Variants in VIRMA observed in about 807,000 individuals in gnomAD.
The protein encoded by VIRMA is vir like m6A methyltransferase associated.
Under a neutral mutation model 182.4 loss-of-function variants are expected in VIRMA, and 65 were observed. The observed-to-expected ratio is 0.36, with a 90% CI of 0.29 to 0.44. VIRMA has a LOEUF of 0.44. VIRMA is among the 20% of genes least tolerant of loss of function. VIRMA has a pLI of 1.00. For synonymous variants in VIRMA, 709 were observed against 743.1 expected (o/e 0.95, Z 0.75); for missense variants, 1,752 against 2,158.1 (o/e 0.81, Z 3.73).
rs189410338 is a variant in VIRMA at position 94,499,462 on chromosome 8, C to T, written c.4142G>A (p.Arg1381Gln). 5.6e-6 allele frequency: 9 copies of T among 1,608,650 alleles called. No homozygotes were observed. Among genetic ancestry groups the T allele is most frequent in the African/African-American group, 1.3e-5 (1 of 74,888 alleles). Residue 1381 changes from arginine to glutamine, a missense_variant, in exon 17 of 24, where the codon CGA becomes CAA. Around this residue, in one of 11 missense-constraint regions of VIRMA, gnomAD observed 777 missense variants for 920.6 expected, o/e 0.84. Transcript: ENST00000297591. ...NSSALHSLLKRVVSTFSKDTG... is the reference protein window; with the variant it reads ...NSSALHSLLKQVVSTFSKDTG... ...GTCCTTACTAAATGTGCTGACCACT[C>T]GTTTCAGTAAACTATGCAGAGCACT...
At position 94,512,069 on chromosome 8, in the gene VIRMA, G is replaced by A; in HGVS notation, c.2772C>T (p.Thr924=). 1 of 1,496,778 alleles carries A rather than the reference G, an allele frequency of 6.7e-7. No individual in the cohort carries two copies. The highest frequency in any genetic ancestry group is 8.9e-7 in the Non-Finnish European group (1 of 1,121,660). 92.7% of individuals were successfully genotyped at this position (1,496,778 alleles called of 1,614,324 possible). A position where few individuals can be genotyped will look rare whatever the true frequency, so the allele number is the denominator to read the frequency against. ...YVKQNIDNLM[T]PEGVGLTTAL... ...CAGTGGTAAGGCCAACTCCTTCTGGGGTCATCAAGTTATCGATATTCTTTA... is the reference window on the plus strand; with the variant it reads ...CAGTGGTAAGGCCAACTCCTTCTGGAGTCATCAAGTTATCGATATTCTTTA... Residue 924 remains threonine, a synonymous_variant, in exon 12 of 24, where the codon ACC becomes ACT. Coordinates refer to ENST00000297591, the MANE Select transcript of VIRMA (RefSeq NM_015496.5).
rs370105973 is a variant in VIRMA at position 94,519,281 on chromosome 8, A to G, written c.2217T>C (p.Tyr739=). The G allele has an allele frequency of 3.7e-6, 6 of 1,614,136 alleles. No individual in the cohort carries two copies. ...GGAGACCTTCCTCCTCATCTTGATCATAAAAGTGACACAGAGCTCGGATCA... is the reference window on the plus strand; with the variant it reads ...GGAGACCTTCCTCCTCATCTTGATCGTAAAAGTGACACAGAGCTCGGATCA... ...NLLIRALCHF[Y]DQDEEEGLQS... The change falls in exon 9 of 24, where the codon TAT becomes TAC. Residue 739 remains tyrosine, a synonymous_variant. Coordinates refer to ENST00000297591, the MANE Select transcript of VIRMA (RefSeq NM_015496.5).
intron 5 of VIRMA, 122 bp from the exon 6 acceptor site, chr8:94,531,207 A>G (rs1815162106): frequency 8.9e-7 from 1 of 1,121,674 alleles, no homozygotes; most frequent in Non-Finnish European, 1.2e-6. Flanking sequence ...GAGATCTAAA[A>G]TATGGTATTT....
chr8:94,511,393 T>C lies in VIRMA; in HGVS notation c.3182A>G (p.Gln1061Arg). ...CAGTAAAATATCAATGATATCATTC[T>C]GAATTTTCTGTTCATCACTATCCAA... ...GRLDSDEQKI[Q>R]NDIIDILLTF... Residue 1061 changes from glutamine to arginine, a missense_variant, in exon 13 of 24, where the codon CAG becomes CGG. Gln to Arg is a conservative substitution (Grantham distance 43). Coordinates refer to ENST00000297591, the MANE Select transcript of VIRMA (RefSeq NM_015496.5). 1.2e-6 allele frequency: 2 copies of C among 1,614,028 alleles called. No homozygotes were observed. Among genetic ancestry groups the C allele is most frequent in the Non-Finnish European group, 1.7e-6 (2 of 1,179,966 alleles).
rs755700224 is a variant in VIRMA, at chr8:94,499,523, T to C, written c.4098-17A>G. 1 of 1,408,678 alleles carries C rather than the reference T, an allele frequency of 7.1e-7. No individual in the cohort carries two copies. Among genetic ancestry groups the C allele is most frequent in the Non-Finnish European group, 9.9e-7 (1 of 1,014,138 alleles). 87.3% of individuals were successfully genotyped at this position (1,408,678 alleles called of 1,614,324 possible). A position where few individuals can be genotyped will look rare whatever the true frequency, so the allele number is the denominator to read the frequency against. ...CTTAAAGAACTGTAAATAAAGAAAA[T>C]AAAGAGAAGATATTATCTTAAAATA... On this transcript the variant is annotated splice_polypyrimidine_tract_variant and intron_variant, in intron 16 of 23. Coordinates refer to ENST00000297591, the MANE Select transcript of VIRMA (RefSeq NM_015496.5).
Position 94,506,660 on chromosome 8 carries a change from G to A in VIRMA, c.3937C>T (p.Leu1313Phe). The A allele has an allele frequency of 3.7e-6, 6 of 1,613,852 alleles. No individual in the cohort carries two copies. In the South Asian group the frequency reaches 6.6e-5, roughly 18 times the overall value. The stretch of plus-strand genomic sequence containing the variant: ...TCTTTATTTGGTAGAGAATTGGAGA[G>A]CTGCTCCAGTTCAGAAATAGAACCT... ...SEGSISELEQ[L>F]SNSLPNKELM... is the part of the protein sequence containing the mutation. The change falls in exon 16 of 24, where the codon CTC (leucine) becomes TTC (phenylalanine). Residue 1313 changes from leucine (L) to phenylalanine (F), a missense_variant. By Grantham distance (22) the Leu-to-Phe change is conservative. Coordinates refer to ENST00000297591, the MANE Select transcript of VIRMA (RefSeq NM_015496.5).
chr8:94,514,811 C>T (rs1161109839), intron 11 of VIRMA, 58 bp downstream of exon 11: 8 of 827,712 alleles, frequency 9.7e-6, no homozygotes, highest in Non-Finnish European at 1.2e-5. Flanking sequence ...AATGCAGTAT[C>T]ACCATGTACT....
chr8:94,537,190 C>T (rs778202069), intron 3 of VIRMA, 39 bp from the exon 4 acceptor site: 2 of 1,218,896 alleles, frequency 1.6e-6, no homozygotes, highest in Non-Finnish European at 2.4e-6. Flanking sequence ...AGCTCAAACA[C>T]TGAACATCAC....
At chr8:94,500,010 G>A (rs1381556152) in intron 16 of VIRMA, among the ~76,000 whole-genome samples, 4 of 137,442 alleles carry the variant, frequency 2.9e-5, no homozygotes, top group East Asian at 2.2e-4. Context: ...CCGAAATCAC[G>A]CCACTGCACT....
At chr8:94,500,581 C>G (rs564621398) in intron 16 of VIRMA, among the ~76,000 whole-genome samples, 1 of 151,460 alleles carries the variant, frequency 6.6e-6, no homozygotes, top group South Asian at 2.1e-4. Context: ...GGATGAGGAG[C>G]AACTGGGGCT....
At chr8:94,502,459 T>C (rs113708890) in intron 16 of VIRMA, among the ~76,000 whole-genome samples, 1 of 151,472 alleles carries the variant, frequency 6.6e-6, no homozygotes, top group Non-Finnish European at 1.5e-5. Flanking sequence ...AAACTTTTAA[T>C]ATTTAAATAA....
At chr8:94,512,129 T>C in intron 11 of VIRMA, 40 bp from the exon 12 acceptor site, 3 of 1,051,792 alleles carry the variant, frequency 2.9e-6, no homozygotes, top group South Asian at 2.6e-5. Context: ...CGTTTCTTAG[T>C]ACCCATGAGA....
At chr8:94,549,294 TAATA>T (rs1815889065) in intron 1 of VIRMA, among the ~76,000 whole-genome samples, 2 of 152,220 alleles carry the variant, frequency 1.3e-5, no homozygotes, top group African/African-American at 2.4e-5. Flanking sequence ...TGTGTGAAAC[TAATA>T]AATGTCTCTT....
In VIRMA at chr8:94,489,940, T is replaced by A. The variant is rs748072056; in HGVS notation, c.5283A>T (p.Thr1761=). The A allele has an allele frequency of 1.2e-5, 20 of 1,613,024 alleles. No individual in the cohort carries two copies. The highest frequency in any genetic ancestry group is 1.7e-5 in the Non-Finnish European group (20 of 1,179,652). ...ATATCAAGTAGCAAGGATGTATACC[T>A]GTAGAACTAAGGGGTCGTAATGGTG... is the stretch of plus-strand genomic sequence containing the variant. The part of the protein sequence containing the change: ...PLPPLRPLSS[T]GYRPSPRDRA... The change falls in exon 23 of 24, where the codon ACA becomes ACT. Residue 1761 remains threonine, a splice_region_variant and synonymous_variant. Coordinates refer to ENST00000297591, the MANE Select transcript of VIRMA (RefSeq NM_015496.5).
At chr8:94,535,901 T>A (rs537167393) in intron 4 of VIRMA, among the ~76,000 whole-genome samples, 2 of 152,164 alleles carry the variant, frequency 1.3e-5, no homozygotes, top group Non-Finnish European at 2.9e-5. Flanking sequence ...TATTTCCCTA[T>A]AAGAAAAAAT....
At position 94,495,743 on chromosome 8, in the gene VIRMA, A is replaced by C. The variant is rs1813751927; in HGVS notation, c.4532T>G (p.Leu1511Arg). The change falls in exon 19 of 24, where the codon CTG (leucine) becomes CGG (arginine). Residue 1511 changes from leucine (L) to arginine (R), a missense_variant. Leu to Arg is a moderately radical substitution (Grantham distance 102, BLOSUM62 -2). Around this residue, in one of 11 missense-constraint regions of VIRMA, gnomAD observed 777 missense variants for 920.6 expected, o/e 0.84. Transcript: ENST00000297591. ...TTGTGTATTTTACCTATTGTTAAAC[A>C]GATTCTGAAGAGATTCTGGAGCTGA... is the stretch of plus-strand genomic sequence containing the variant. ...VLSAPESLQN[L>R]FNNRTAYVLA... 6.2e-7 allele frequency: 1 copy of C among 1,612,978 alleles called. No homozygotes were observed. The highest frequency in any genetic ancestry group is 8.5e-7 in the Non-Finnish European group (1 of 1,179,592).
chr8:94,527,841 G>A (rs1303778044), intron 7 of VIRMA, among the ~76,000 whole-genome samples: 6 of 152,124 alleles, frequency 3.9e-5, no homozygotes, highest in Non-Finnish European at 5.9e-5. Flanking sequence ...TTGTAGATTC[G>A]TTTTATAACA....
intron 15 of VIRMA, among the ~76,000 whole-genome samples, chr8:94,508,261 T>C (rs1195199737): frequency 1.3e-5 from 2 of 152,058 alleles, no homozygotes; most frequent in East Asian, 3.9e-4. Flanking sequence ...AGCTAGTTTT[T>C]TTGTAGTAGA....
intron 1 of VIRMA, among the ~76,000 whole-genome samples, chr8:94,552,145 C>T (rs1395928287): frequency 6.6e-6 from 1 of 152,218 alleles, no homozygotes; most frequent in African/African-American, 2.4e-5. Context: ...ACAAACAGTG[C>T]TAACTGACCC....
Sources: gnomAD v4.1 joint callset for allele counts (sites outside exome capture counted in the v4.1 genomes callset) on GRCh38, gnomAD v4.1.1 for gene constraint, gnomAD v4.1.1 regional missense constraint, MANE v1.5 for transcripts, NCBI Gene and HGNC (gene_info 2026-07-23, HGNC 2026-07-21) for gene names.